GRAMD1C: variants seen among roughly 807,000 people sequenced by gnomAD.
GRAMD1C encodes GRAM domain containing 1C.
A neutral mutation model predicts 97.8 loss-of-function variants in GRAMD1C; 89 were observed. The ratio of observed to expected loss-of-function variants is 0.91; its 90% CI spans 0.77 to 1.09. GRAMD1C has a LOEUF of 1.09. GRAMD1C is among the 50% of genes least tolerant of loss of function. GRAMD1C has a pLI of 0.00. For synonymous variants in GRAMD1C, 256 were observed against 267.0 expected, an observed-to-expected ratio of 0.96 and a Z score of 0.40; for missense variants, 740 against 766.4, an observed-to-expected ratio of 0.97 and a Z score of 0.41.
At chr3:113,904,119 A>G in intron 7 of GRAMD1C, 21 bp from the exon 8 acceptor site, 1 of 1,596,048 alleles carries the variant, frequency 6.3e-7, no homozygotes, top group Non-Finnish European at 8.6e-7. Flanking sequence ...TTATATTTCT[A>G]TAATGATGTG....
chr3:113,904,904 G>A (rs1355098585), intron 8 of GRAMD1C, among the ~76,000 whole-genome samples: 1 of 151,972 alleles, frequency 6.6e-6, no homozygotes, highest in Non-Finnish European at 1.5e-5. Flanking sequence ...GCATGATCTC[G>A]GCTCACTGCA....
chr3:113,905,366 A>G (rs1306602878), intron 8 of GRAMD1C, among the ~76,000 whole-genome samples: 9 of 152,142 alleles, frequency 5.9e-5, no homozygotes, highest in Admixed American at 5.9e-4. Flanking sequence ...TTTCTTAGTG[A>G]AGAATGGTAT....
At chr3:113,906,822 C>T (rs1425830893) in intron 8 of GRAMD1C, among the ~76,000 whole-genome samples, 1 of 152,066 alleles carries the variant, frequency 6.6e-6, no homozygotes, top group Non-Finnish European at 1.5e-5. Flanking sequence ...ACAGGTGTAC[C>T]ATTTTCTAAA....
Position 113,869,521 on chromosome 3 carries a change from C to A in GRAMD1C, c.189C>A (p.Thr63=). 1.3e-6 allele frequency: 2 copies of A among 1,492,270 alleles called. No individual in the cohort carries two copies. The highest frequency in any genetic ancestry group is 9.3e-7 in the Non-Finnish European group (1 of 1,079,658). 92.4% of individuals were successfully genotyped at this position (1,492,270 alleles called of 1,614,324 possible). ...TATTGTTGCAGATTTCAAGTTCCAC[C>A]TATAAAGACAGGAATGAGGAATACA... ...GDWSFWISSS[T]YKDRNEEYRR... is the part of the protein sequence containing the mutation. The change falls in exon 3 of 18, where the codon ACC becomes ACA. Residue 63 remains threonine (T), a synonymous_variant. Transcript: ENST00000358160.
chr3:113,857,164 A>AAAAC lies in GRAMD1C; in HGVS notation c.175-12331_175-12328dup, dbSNP rs201741703. Among the ~76,000 whole-genome samples the AAAAC allele has an allele frequency of 3.6e-4, 47 of 130,088 alleles. No homozygotes were observed. In the East Asian group the frequency reaches 8.6e-3, roughly 24 times the overall value. The allele number at this position is 130,088 out of a possible 152,430, so 85.3% of individuals were successfully genotyped here. A position where few individuals can be genotyped will look rare whatever the true frequency, so the allele number is the denominator to read the frequency against. ...CTATATGTCTTTTATTTCCTTAAAA[A>AAAAC]AAACAAACAAACAAAAAAATAAAAC... On this transcript the variant is annotated intron_variant, in intron 2 of 17. Transcript: ENST00000358160.
chr3:113,889,459 T>C (rs1014013797), intron 6 of GRAMD1C, among the ~76,000 whole-genome samples: 7 of 152,174 alleles, frequency 4.6e-5, no homozygotes, highest in African/African-American at 1.7e-4. Flanking sequence ...GTTATCTTTC[T>C]GGGTTGACAA....
intron 10 of GRAMD1C, among the ~76,000 whole-genome samples, chr3:113,925,478 CAA>C (rs1937201861): frequency 1.6e-5 from 1 of 62,170 alleles, no homozygotes; most frequent in East Asian, 6.9e-4. Context: ...TCTCAAAAAA[CAA>C]ACAAACAAAC....
chr3:113,850,730 A>G, intron 2 of GRAMD1C: 5 of 1,501,790 alleles, frequency 3.3e-6, no homozygotes, highest in South Asian at 1.2e-5. Flanking sequence ...AGGCATCAAC[A>G]TCTCCGCTGC....
intron 9 of GRAMD1C, chr3:113,913,181 G>A (rs1375867536): frequency 1.2e-5 from 11 of 933,814 alleles, no homozygotes; most frequent in African/African-American, 5.1e-5. Flanking sequence ...CCAAAACCAG[G>A]ATTTTTGTTT....
At chr3:113,928,230 AG>A (rs1044415794) in intron 10 of GRAMD1C, among the ~76,000 whole-genome samples, 2 of 152,246 alleles carry the variant, frequency 1.3e-5, no homozygotes, top group African/African-American at 4.8e-5. Flanking sequence ...ATCAGCTAGT[AG>A]GGTCAGTGTT....
At chr3:113,936,065 A>G (rs974921973) in intron 13 of GRAMD1C, among the ~76,000 whole-genome samples, 7 of 152,192 alleles carry the variant, frequency 4.6e-5, no homozygotes, top group East Asian at 1.9e-4. Flanking sequence ...ATTAATACAC[A>G]TTCTTCCTGG....
At chr3:113,910,962 T>A (rs1936546964) in intron 9 of GRAMD1C, among the ~76,000 whole-genome samples, 1 of 152,142 alleles carries the variant, frequency 6.6e-6, no homozygotes, top group East Asian at 1.9e-4. Flanking sequence ...TACTACAGAT[T>A]GGGTAGCTTA....
At chr3:113,911,767 C>T (rs1394213535) in intron 9 of GRAMD1C, among the ~76,000 whole-genome samples, 2 of 89,132 alleles carry the variant, frequency 2.2e-5, no homozygotes, top group African/African-American at 6.7e-5. Flanking sequence ...TTGCTCTGTC[C>T]CCTGAGCTAG....
chr3:113,902,889 G>C (rs1936228119), intron 7 of GRAMD1C, among the ~76,000 whole-genome samples: 1 of 151,920 alleles, frequency 6.6e-6, no homozygotes, highest in African/African-American at 2.4e-5. Context: ...GATCCACCCT[G>C]CCTCGGCCTC....
At chr3:113,860,182 C>T (rs1934308332) in intron 2 of GRAMD1C, among the ~76,000 whole-genome samples, 1 of 152,064 alleles carries the variant, frequency 6.6e-6, no homozygotes, top group Non-Finnish European at 1.5e-5. Flanking sequence ...CCACCACGCC[C>T]AGCTAATTTT....
intron 7 of GRAMD1C, among the ~76,000 whole-genome samples, chr3:113,901,751 A>T (rs892156603): frequency 6.6e-6 from 1 of 152,244 alleles, no homozygotes; most frequent in Non-Finnish European, 1.5e-5. Flanking sequence ...CTCTACAAGT[A>T]AAAGTGCATT....
chr3:113,905,134 A>G, intron 8 of GRAMD1C, among the ~76,000 whole-genome samples: 1 of 152,150 alleles, frequency 6.6e-6, no homozygotes, highest in East Asian at 1.9e-4. Context: ...ATGCCCGGCC[A>G]ACACTTCAGT....
chr3:113,897,408 G>T (rs1271880029), intron 6 of GRAMD1C: 1 of 297,980 alleles, frequency 3.4e-6, no homozygotes, highest in Non-Finnish European at 5.0e-6. Flanking sequence ...AGAAAATTAG[G>T]AACTGTCCCT....
intron 1 of GRAMD1C, 104 bp from the exon 2 acceptor site, chr3:113,844,399 T>A: frequency 1.4e-6 from 1 of 721,188 alleles, no homozygotes; most frequent in Non-Finnish European, 2.4e-6. Flanking sequence ...CATTTAAATA[T>A]TGCCCTTTTA....
Sources: gnomAD v4.1 joint callset for allele counts (sites outside exome capture counted in the v4.1 genomes callset) on GRCh38, gnomAD v4.1.1 for gene constraint, MANE v1.5 for transcripts, NCBI Gene and HGNC (gene_info 2026-07-23, HGNC 2026-07-21) for gene names.